The following CNTNAP2 variants were observed in gnomAD, a reference collection of about 807,000 sequenced individuals.
CNTNAP2 encodes contactin-associated protein-like 2.
CNTNAP2 carries 98 observed loss-of-function variants against 155.2 expected under a neutral mutation model. The ratio of observed to expected loss-of-function variants is 0.63; its 90% confidence interval spans 0.54 to 0.75. The LOEUF is 0.75. Ranked by LOEUF, CNTNAP2 falls within the 30% of genes least tolerant of loss-of-function variation. CNTNAP2 has a pLI of 0.00. For missense variants in CNTNAP2, 1,727 were observed against 1,688.1 expected (o/e 1.02, Z -0.40); for synonymous variants, 651 against 631.2 (o/e 1.03, Z -0.47).
chr7:147,163,106 C>A (rs1486572372), intron 8 of CNTNAP2, among the ~76,000 whole-genome samples: 1 of 152,154 alleles, frequency 6.6e-6, no homozygotes, highest in Non-Finnish European at 1.5e-5. Flanking sequence ...GCTGTAGAAG[C>A]ATCACATCCC....
chr7:147,341,081 T>C (rs1012080804), intron 9 of CNTNAP2, among the ~76,000 whole-genome samples: 1 of 145,224 alleles, frequency 6.9e-6, no homozygotes, highest in Non-Finnish European at 1.5e-5. Flanking sequence ...TGTGTGTGTG[T>C]GTGTGTGTGT....
At chr7:147,034,468 T>C (rs562367862) in intron 3 of CNTNAP2, among the ~76,000 whole-genome samples, 1 of 152,156 alleles carries the variant, frequency 6.6e-6, no homozygotes, top group Admixed American at 6.6e-5. Flanking sequence ...TTACAGCTCC[T>C]GAAGCCCTAG....
chr7:147,147,594 G>A (rs1006299331), intron 8 of CNTNAP2, among the ~76,000 whole-genome samples: 4 of 152,082 alleles, frequency 2.6e-5, no homozygotes, highest in East Asian at 1.9e-4. Context: ...CATCCTCTGC[G>A]TGGACTGTGG....
At chr7:147,199,337 T>C (rs190794168) in intron 8 of CNTNAP2, among the ~76,000 whole-genome samples, 29 of 152,280 alleles carry the variant, frequency 1.9e-4, no homozygotes, top group African/African-American at 5.5e-4. Context: ...GGCTATTAAT[T>C]GAATAATTAA....
intron 15 of CNTNAP2, among the ~76,000 whole-genome samples, chr7:148,071,809 A>G (rs1803387958): frequency 6.6e-6 from 1 of 152,206 alleles, no homozygotes; most frequent in African/African-American, 2.4e-5. Context: ...CAAGTCTTCA[A>G]TTCACCATTG....
chr7:147,465,427 T>C (rs986803258), intron 10 of CNTNAP2, among the ~76,000 whole-genome samples: 1 of 152,230 alleles, frequency 6.6e-6, no homozygotes, highest in Non-Finnish European at 1.5e-5. Flanking sequence ...ATAAATTGTG[T>C]TCTCATAGGG....
chr7:146,835,237 T>C (rs115850455), intron 2 of CNTNAP2, among the ~76,000 whole-genome samples: 1 of 152,118 alleles, frequency 6.6e-6, no homozygotes, highest in South Asian at 2.1e-4. Flanking sequence ...CTGAAGAAAA[T>C]TTATTCTGGA....
At chr7:147,325,550 G>T (rs2692137) in intron 9 of CNTNAP2, among the ~76,000 whole-genome samples, 80,534 of 151,870 alleles carry the variant, frequency 0.53, 22,517 homozygotes, top group East Asian at 0.71. Flanking sequence ...ACAAAGAACT[G>T]AAAATGAAGC....
intron 12 of CNTNAP2, among the ~76,000 whole-genome samples, chr7:147,631,601 C>A (rs1795086667): frequency 6.6e-6 from 1 of 152,006 alleles, no homozygotes; most frequent in African/African-American, 2.4e-5. Context: ...CTATAGAGAC[C>A]AAAACAGGAT....
At chr7:147,166,592 G>T (rs28455873) in intron 8 of CNTNAP2, among the ~76,000 whole-genome samples, 6,456 of 152,218 alleles carry the variant, frequency 0.042, 180 homozygotes, top group African/African-American at 0.078. Flanking sequence ...CACCAAACAG[G>T]CTTTGTGTGA....
At chr7:146,148,277 G>A (rs1018395314) in intron 1 of CNTNAP2, among the ~76,000 whole-genome samples, 4 of 152,022 alleles carry the variant, frequency 2.6e-5, no homozygotes, top group African/African-American at 4.8e-5. Flanking sequence ...TTATGGTGGG[G>A]TCTTTGAAAT....
chr7:146,860,565 C>T (rs1219029835), intron 3 of CNTNAP2, among the ~76,000 whole-genome samples: 1 of 151,942 alleles, frequency 6.6e-6, no homozygotes, highest in Non-Finnish European at 1.5e-5. Flanking sequence ...ACATATTTAT[C>T]TGAAAGAAAA....
At chr7:147,874,838 C>T (rs183629667) in intron 13 of CNTNAP2, among the ~76,000 whole-genome samples, 81 of 152,232 alleles carry the variant, frequency 5.3e-4, no homozygotes, top group African/African-American at 1.7e-3. Context: ...CTGCCAGATA[C>T]CCTAAATTAT....
At chr7:146,996,146 A>G (rs1428402834) in intron 3 of CNTNAP2, among the ~76,000 whole-genome samples, 1 of 152,024 alleles carries the variant, frequency 6.6e-6, no homozygotes, top group African/African-American at 2.4e-5. Flanking sequence ...ATCCAATACC[A>G]TTTATTAAAG....
At chr7:147,585,949 A>G (rs1373973735) in intron 12 of CNTNAP2, among the ~76,000 whole-genome samples, 1 of 152,178 alleles carries the variant, frequency 6.6e-6, no homozygotes, top group Non-Finnish European at 1.5e-5. Flanking sequence ...TCCTGAGAAT[A>G]TGTGCCCAAC....
At chr7:147,349,462 A>T (rs962477119) in intron 9 of CNTNAP2, among the ~76,000 whole-genome samples, 1 of 151,922 alleles carries the variant, frequency 6.6e-6, no homozygotes, top group Non-Finnish European at 1.5e-5. Flanking sequence ...TAATAGTGAC[A>T]TAGGTGCCTG....
chr7:147,619,540 G>A (rs1204818775), intron 12 of CNTNAP2, among the ~76,000 whole-genome samples: 1 of 152,202 alleles, frequency 6.6e-6, no homozygotes. Context: ...AGATAGGCTA[G>A]CAATATTCCC....
At chr7:146,357,236 A>C (rs2129100022) in intron 1 of CNTNAP2, among the ~76,000 whole-genome samples, 1 of 150,460 alleles carries the variant, frequency 6.6e-6, no homozygotes, top group Non-Finnish European at 1.5e-5. Context: ...GTGCTCCAAA[A>C]AAAAAAAAAA....
chr7:148,047,316 C>T (rs1220005660), intron 15 of CNTNAP2, among the ~76,000 whole-genome samples: 7 of 151,734 alleles, frequency 4.6e-5, no homozygotes, highest in East Asian at 1.9e-4. Context: ...CAATACATAA[C>T]GTTATTTTAT....
Sources: allele counts gnomAD v4.1 joint callset (sites outside exome capture counted in the v4.1 genomes callset), GRCh38; gene constraint gnomAD v4.1.1; transcripts MANE v1.5; gene names NCBI Gene and HGNC (gene_info 2026-07-23, HGNC 2026-07-21).